Variants in KLRD1 observed in about 807,000 individuals in gnomAD.
The protein encoded by KLRD1 is killer cell lectin like receptor D1.
Under a neutral mutation model 22.6 loss-of-function variants are expected in KLRD1, and 21 were observed. That is an observed-to-expected ratio of 0.93 (90% CI 0.66 to 1.34). The LOEUF (loss-of-function observed/expected upper bound fraction) is 1.34, where lower values mean the gene tolerates loss of function less well. KLRD1 is among the 40% of genes most tolerant of loss of function. KLRD1 has a pLI of 0.00. For missense variants in KLRD1, 183 were observed against 208.6 expected, an observed-to-expected ratio of 0.88 and a Z score of 0.76; for synonymous variants, 59 against 71.1, an observed-to-expected ratio of 0.83 and a Z score of 0.85.
At chr12:10,256,259 A>G (rs895000172) in intron 1 of KLRD1, among the ~76,000 whole-genome samples, 3 of 151,798 alleles carry the variant, frequency 2.0e-5, no homozygotes, top group Non-Finnish European at 2.9e-5. Context: ...TTTGCTATCA[A>G]TTCTGCCCAT....
intron 1 of KLRD1, among the ~76,000 whole-genome samples, chr12:10,275,579 G>A (rs1055669780): frequency 4.6e-5 from 7 of 152,134 alleles, no homozygotes; most frequent in Admixed American, 1.3e-4. Context: ...TACCTTATCC[G>A]AAGCATGTAG....
At chr12:10,259,329 A>G (rs191805662) in intron 1 of KLRD1, among the ~76,000 whole-genome samples, 99 of 152,292 alleles carry the variant, frequency 6.5e-4, no homozygotes, top group Admixed American at 1.4e-3. Flanking sequence ...CATCATAGTT[A>G]TGTAGAATAT....
At chr12:10,263,711 A>C (rs1317923000) in intron 1 of KLRD1, among the ~76,000 whole-genome samples, 1 of 152,114 alleles carries the variant, frequency 6.6e-6, no homozygotes, top group East Asian at 1.9e-4. Flanking sequence ...TATCTGAACC[A>C]TGTTATTCCA....
intron 5 of KLRD1, 35 bp from the exon 6 acceptor site, chr12:10,314,638 T>C (rs771986156): frequency 6.6e-7 from 1 of 1,514,366 alleles, no homozygotes; most frequent in Non-Finnish European, 8.8e-7. Flanking sequence ...CTTACTTCCT[T>C]TTTGTGTATG....
chr12:10,262,587 T>C (rs1013691284), intron 1 of KLRD1, among the ~76,000 whole-genome samples: 4 of 152,212 alleles, frequency 2.6e-5, no homozygotes, highest in Admixed American at 2.0e-4. Flanking sequence ...AGCTTATGTG[T>C]GATAGATACC....
upstream of KLRD1, among the ~76,000 whole-genome samples, chr12:10,299,942 A>G (rs1949853269): frequency 6.6e-6 from 1 of 152,206 alleles, no homozygotes; most frequent in South Asian, 2.1e-4. Flanking sequence ...CTACTCATAT[A>G]TTCACGTTTT....
intron 1 of KLRD1, among the ~76,000 whole-genome samples, chr12:10,250,097 A>C (rs1949330906): frequency 6.6e-6 from 1 of 151,040 alleles, no homozygotes; most frequent in African/African-American, 2.4e-5. Flanking sequence ...CTTTATTTCT[A>C]TCCTGGTGCG....
At chr12:10,261,387 A>C (rs1178494928) in intron 1 of KLRD1, among the ~76,000 whole-genome samples, 1 of 152,258 alleles carries the variant, frequency 6.6e-6, no homozygotes, top group Admixed American at 6.5e-5. Context: ...GAGAACTAAA[A>C]TATAAAAGAC....
At chr12:10,298,626 C>G (rs1949841715) in intron 1 of KLRD1, among the ~76,000 whole-genome samples, 3 of 152,346 alleles carry the variant, frequency 2.0e-5, no homozygotes, top group South Asian at 2.1e-4. Context: ...CAAGGAATAC[C>G]TGGCCCACCC....
intron 1 of KLRD1, among the ~76,000 whole-genome samples, chr12:10,293,154 CTCCATATATATAT>C (rs1949785165): frequency 5.9e-4 from 1 of 1,704 alleles, no homozygotes; most frequent in African/African-American, 6.5e-4. Flanking sequence ...GTAAAACTTT[CTCCATATATATAT>C]ACACATATAC....
At chr12:10,239,467 T>TTA (rs376149805) in intron 1 of KLRD1, among the ~76,000 whole-genome samples, 18,851 of 53,336 alleles carry the variant, frequency 0.35, 3,070 homozygotes, top group East Asian at 0.59. Context: ...CCTTCCTTCC[T>TTA]TCCTTCCTTC....
At chr12:10,293,959 G>A (rs995663768) in intron 1 of KLRD1, among the ~76,000 whole-genome samples, 1 of 152,082 alleles carries the variant, frequency 6.6e-6, no homozygotes, top group Non-Finnish European at 1.5e-5. Context: ...TTATTCCCTT[G>A]GTATGAACGC....
chr12:10,315,210 G>A lies in KLRD1; in HGVS notation c.*417G>A. The A allele has an allele frequency of 9.9e-6, 4 of 402,986 alleles. No homozygotes were observed. The highest frequency in any genetic ancestry group is 7.1e-5 in the South Asian group (4 of 56,200). The allele number at this position is 402,986 out of a possible 1,614,324, so 25.0% of individuals were successfully genotyped here. On this transcript the variant is annotated 3_prime_UTR_variant, in exon 6 of 6. Coordinates refer to ENST00000336164, the MANE Select transcript of KLRD1 (RefSeq NM_002262.5). ...CATAGTGGCAAGATCATAGCTCATT[G>A]CAAGCTCAAGTGATCCTCCTGACTC...
chr12:10,285,208 T>C (rs1949689679), intron 1 of KLRD1, among the ~76,000 whole-genome samples: 1 of 152,242 alleles, frequency 6.6e-6, no homozygotes, highest in Admixed American at 6.5e-5. Context: ...CAAAATTCTT[T>C]ACTACTATTT....
intron 1 of KLRD1, among the ~76,000 whole-genome samples, chr12:10,289,688 A>G (rs2137665277): frequency 6.6e-6 from 1 of 152,322 alleles, no homozygotes; most frequent in South Asian, 2.1e-4. Flanking sequence ...TTTAGTGGGA[A>G]GCAGTTTTCT....
At position 10,296,744 on chromosome 12, in the gene KLRD1, G is replaced by C. The variant is rs538393227; in HGVS notation, c.-100-11234G>C. Among the ~76,000 whole-genome samples, 23 of 152,290 alleles carry C rather than the reference G, an allele frequency of 1.5e-4. No individual in the cohort carries two copies. The East Asian group carries it at 4.4e-3, about 29-fold the overall frequency. On this transcript the variant is annotated intron_variant, in intron 1 of 5. Transcript: ENST00000544747. ...AAAAGAAAATAATTTTGGAGATGTG[G>C]AGTTGAACCTTCAGAAGGCCAAGGG...
chr12:10,312,771 C>CG (rs1950117716), intron 4 of KLRD1, among the ~76,000 whole-genome samples: 2 of 151,258 alleles, frequency 1.3e-5, no homozygotes, highest in South Asian at 2.1e-4. Flanking sequence ...GGGCGGATCA[C>CG]AGTCAGGAGA....
chr12:10,271,937 A>T (rs1949553757), intron 1 of KLRD1, among the ~76,000 whole-genome samples: 1 of 152,154 alleles, frequency 6.6e-6, no homozygotes, highest in African/African-American at 2.4e-5. Context: ...TATTGTAGAG[A>T]TTAAGTTAAT....
chr12:10,271,349 T>A (rs1949548119), intron 1 of KLRD1, among the ~76,000 whole-genome samples: 1 of 152,188 alleles, frequency 6.6e-6, no homozygotes, highest in Non-Finnish European at 1.5e-5. Flanking sequence ...TTTTCCATGA[T>A]CTTGGTACAC....
Sources: allele counts gnomAD v4.1 joint callset (sites outside exome capture counted in the v4.1 genomes callset), GRCh38; gene constraint gnomAD v4.1.1; transcripts MANE v1.5; gene names NCBI Gene and HGNC (gene_info 2026-07-23, HGNC 2026-07-21).